Variants in SAMMSON observed in about 807,000 individuals in gnomAD.
SAMMSON encodes the protein long intergenic non-protein coding RNA 1212.
chr3:70,172,903 A>G (rs916538842), intron 4 of SAMMSON: 4 of 151,990 alleles, frequency 2.6e-5, no homozygotes, highest in Admixed American at 6.6e-5. Context: ...TTCGTTTTTA[A>G]TAAACATCAC....
At chr3:70,020,259 C>T (rs917857652) in intron 3 of SAMMSON, among the ~76,000 whole-genome samples, 2 of 152,050 alleles carry the variant, frequency 1.3e-5, no homozygotes, top group African/African-American at 2.4e-5. Flanking sequence ...TCTGTCTCCT[C>T]AATTCTTTAT....
chr3:70,028,085 T>TTTCC (rs113880254), intron 3 of SAMMSON, among the ~76,000 whole-genome samples: 3,068 of 143,484 alleles, frequency 0.021, 48 homozygotes, highest in African/African-American at 0.034. Context: ...GCCTTCCTTC[T>TTTCC]TTCCTTCCTT....
chr3:70,267,768 G>T (rs1430909954), intron 6 of SAMMSON, among the ~76,000 whole-genome samples: 1 of 151,830 alleles, frequency 6.6e-6, no homozygotes, highest in Non-Finnish European at 1.5e-5. Flanking sequence ...CAGATAAAGG[G>T]TCTTCACTGG....
intron 7 of SAMMSON, among the ~76,000 whole-genome samples, chr3:70,331,092 T>A (rs971535040): frequency 6.6e-6 from 1 of 152,222 alleles, no homozygotes; most frequent in Admixed American, 6.5e-5. Context: ...GCTTTTCTCT[T>A]CTTAGACAAA....
chr3:70,109,249 A>G (rs1576124083), intron 4 of SAMMSON, among the ~76,000 whole-genome samples: 1 of 152,152 alleles, frequency 6.6e-6, no homozygotes, highest in East Asian at 1.9e-4. Context: ...TGTGTCACCA[A>G]AATAACTTGT....
At chr3:70,100,159 T>A (rs186718934) in intron 4 of SAMMSON, among the ~76,000 whole-genome samples, 14 of 152,192 alleles carry the variant, frequency 9.2e-5, no homozygotes, top group Non-Finnish European at 1.2e-4. Context: ...TCTTTTTTTT[T>A]AATTTGAGAC....
chr3:70,179,161 T>G (rs1701031847), intron 4 of SAMMSON, among the ~76,000 whole-genome samples: 1 of 152,196 alleles, frequency 6.6e-6, no homozygotes, highest in African/African-American at 2.4e-5. Flanking sequence ...TAAGTGACTC[T>G]GAGACTTAGA....
At chr3:70,123,100 A>G (rs1411226226) in intron 4 of SAMMSON, among the ~76,000 whole-genome samples, 1 of 152,176 alleles carries the variant, frequency 6.6e-6, no homozygotes, top group Non-Finnish European at 1.5e-5. Flanking sequence ...GGCTTGTTAG[A>G]GCACAGATGA....
chr3:70,377,836 A>T (rs1357877642), intron 9 of SAMMSON, among the ~76,000 whole-genome samples: 2 of 152,026 alleles, frequency 1.3e-5, no homozygotes, highest in African/African-American at 4.8e-5. Flanking sequence ...TAGGCAATTG[A>T]CAGGAGAGGA....
chr3:70,235,477 A>C (rs79237735), intron 4 of SAMMSON, among the ~76,000 whole-genome samples: 1,975 of 152,322 alleles, frequency 0.013, 44 homozygotes, highest in African/African-American at 0.045. Context: ...CTTAATAAAT[A>C]ATTGTTGAAT....
Position 70,361,405 on chromosome 3 carries a change from C to G in SAMMSON, n.913+3081C>G, listed in dbSNP as rs138969378. On this transcript the variant is annotated intron_variant and non_coding_transcript_variant, in intron 9 of 9. Coordinates refer to ENST00000642114, the Ensembl canonical transcript of SAMMSON. The stretch of plus-strand genomic sequence containing the variant: ...AACCACTATGGAAAGGAATTTTTAT[C>G]CTCTTTGGATAAATTTCTGTTGTCT... 1.1e-3 allele frequency among the ~76,000 whole-genome samples: 166 copies of G among 152,188 alleles called. 1 individual carries two copies. Among genetic ancestry groups the G allele is most frequent in the African/African-American group, 3.8e-3 (158 of 41,524 alleles).
intron 4 of SAMMSON, among the ~76,000 whole-genome samples, chr3:70,083,628 G>A (rs1208134339): frequency 6.6e-6 from 1 of 152,158 alleles, no homozygotes; most frequent in Non-Finnish European, 1.5e-5. Flanking sequence ...CTTCAAGGCA[G>A]TAGGGATTCA....
intron 1 of SAMMSON, among the ~76,000 whole-genome samples, chr3:70,002,171 C>T (rs1218097747): frequency 2.0e-5 from 3 of 152,070 alleles, no homozygotes; most frequent in African/African-American, 7.2e-5. Context: ...CGTCTGTATA[C>T]AGTATATATT....
chr3:70,221,759 C>T (rs898159723), intron 4 of SAMMSON, among the ~76,000 whole-genome samples: 1 of 152,122 alleles, frequency 6.6e-6, no homozygotes, highest in African/African-American at 2.4e-5. Context: ...TGTCCCAATC[C>T]TTGGGACCGT....
At chr3:70,193,622 T>C (rs1428121248) in intron 4 of SAMMSON, among the ~76,000 whole-genome samples, 2 of 152,216 alleles carry the variant, frequency 1.3e-5, no homozygotes, top group African/African-American at 4.8e-5. Context: ...GTTTAGGTTT[T>C]ACTCAGATCT....
At chr3:70,151,745 TG>T (rs144879488) in intron 4 of SAMMSON, among the ~76,000 whole-genome samples, 2,782 of 152,128 alleles carry the variant, frequency 0.018, 59 homozygotes, top group African/African-American at 0.054. Context: ...GTAAATGGGT[TG>T]TTTTTCTTTT....
At chr3:70,296,330 G>T (rs947875902) in intron 7 of SAMMSON, among the ~76,000 whole-genome samples, 2 of 151,974 alleles carry the variant, frequency 1.3e-5, no homozygotes, top group Non-Finnish European at 2.9e-5. Context: ...CTAAGTAAGA[G>T]ACTGAAACAG....
chr3:70,077,925 T>C (rs1050314678), intron 4 of SAMMSON, among the ~76,000 whole-genome samples: 9 of 152,200 alleles, frequency 5.9e-5, no homozygotes, highest in Non-Finnish European at 8.8e-5. Context: ...TACTGTCCTA[T>C]AGGGCTCCTG....
At chr3:70,126,575 C>T in intron 4 of SAMMSON, 2 of 495,210 alleles carry the variant, frequency 4.0e-6, no homozygotes, top group South Asian at 2.3e-5. Flanking sequence ...CTTGTGCATC[C>T]CCTTGATATT....
Sources: gnomAD v4.1 joint callset for allele counts (sites outside exome capture counted in the v4.1 genomes callset) on GRCh38, gnomAD v4.1.1 for gene constraint, MANE v1.5 for transcripts, NCBI Gene and HGNC (gene_info 2026-07-23, HGNC 2026-07-21) for gene names.